The following CFAP65 variants were observed in gnomAD, a reference collection of about 807,000 sequenced individuals.
CFAP65 encodes the protein cilia and flagella associated protein 65.
A neutral mutation model predicts 208.0 loss-of-function variants in CFAP65; 155 were observed. That is an observed-to-expected ratio of 0.75 (90% confidence interval 0.65 to 0.85). The LOEUF (loss-of-function observed/expected upper bound fraction) is 0.85, where lower values mean the gene tolerates loss of function less well. Ranked by LOEUF, CFAP65 falls within the 40% of genes least tolerant of loss-of-function variation. CFAP65 has a pLI of 0.00. For synonymous variants in CFAP65, 970 were observed against 986.3 expected (o/e 0.98, Z 0.31); for missense variants, 2,294 against 2,451.3 (o/e 0.94, Z 1.36).
At chr2:219,024,908 C>T (rs558178624) in intron 14 of CFAP65, among the ~76,000 whole-genome samples, 12 of 152,306 alleles carry the variant, frequency 7.9e-5, no homozygotes, top group Non-Finnish European at 1.6e-4. Context: ...TGCACTCCAG[C>T]CTGGGTGACA....
intron 15 of CFAP65, 66 bp from the exon 16 acceptor site, chr2:219,023,497 TC>T: frequency 8.3e-7 from 1 of 1,208,368 alleles, no homozygotes. Context: ...CCACAACATG[TC>T]CAGGAAGCCA....
intron 4 of CFAP65, 74 bp downstream of exon 4, chr2:219,038,301 C>T (rs1164113434): frequency 1.4e-5 from 20 of 1,441,874 alleles, no homozygotes; most frequent in Non-Finnish European, 1.8e-5. Flanking sequence ...AGATTCCCAC[C>T]CCACTGCCCT....
intron 2 of CFAP65, 151 bp downstream of exon 2, chr2:219,040,368 A>T (rs967463950): frequency 2.1e-5 from 14 of 658,242 alleles, no homozygotes; most frequent in Middle Eastern, 2.6e-4. Context: ...AAAGCGGAAG[A>T]TTCTGTTGAC....
intron 4 of CFAP65, among the ~76,000 whole-genome samples, chr2:219,037,810 A>C (rs984176744): frequency 6.6e-6 from 1 of 152,170 alleles, no homozygotes; most frequent in Admixed American, 6.5e-5. Flanking sequence ...GGCACCATAC[A>C]CCATACAACA....
At position 219,014,025 on chromosome 2, in the gene CFAP65, C is replaced by T. The variant is rs1347978989; in HGVS notation, c.3622G>A (p.Asp1208Asn). ...CAGAGCTCCACGTCAATCCGCTGGT[C>T]ACTTGGAAGGAGGAAGGCCCTGGGA... ...SLDWAFLLPS[D>N]QRIDVELWAE... Residue 1208 changes from aspartate (D) to asparagine (N), a missense_variant, in exon 22 of 35, where the codon GAC (aspartate) becomes AAC (asparagine). Around this residue, in one of 2 missense-constraint regions of CFAP65, gnomAD observed 1,427 missense variants for 1,438.7 expected, o/e 0.99. Transcript: ENST00000341552. 1 of 1,611,994 alleles carries T rather than the reference C, an allele frequency of 6.2e-7. No individual in the cohort carries two copies. The highest frequency in any genetic ancestry group is 1.3e-5 in the African/African-American group (1 of 74,958).
At position 219,009,101 on chromosome 2, in the gene CFAP65, C is replaced by T. The variant is rs2106084531; in HGVS notation, c.4620G>A (p.Lys1540=). ...CCACTTCCTGCCGCACCTTCTCGTC[C>T]TTCCACTCCTGCAGCTCCTTGTGAT... ...RQYHKELQEW[K]DEKVRQEVEF... The change falls in exon 29 of 35, where the codon AAG becomes AAA. Residue 1540 remains lysine, a synonymous_variant. Coordinates refer to ENST00000341552, the MANE Select transcript of CFAP65 (RefSeq NM_194302.4). 1 of 1,612,956 alleles carries T rather than the reference C, an allele frequency of 6.2e-7. No homozygotes were observed. The highest frequency in any genetic ancestry group is 8.5e-7 in the Non-Finnish European group (1 of 1,179,968).
chr2:219,003,016 A>T lies in CFAP65; in HGVS notation c.5699T>A (p.Leu1900Gln). 6.4e-7 allele frequency: 1 copy of T among 1,556,842 alleles called. No homozygotes were observed. The highest frequency in any genetic ancestry group is 2.4e-5 in the East Asian group (1 of 42,172). The change falls in exon 35 of 35, where the codon CTG (leucine) becomes CAG (glutamine). Residue 1900 changes from leucine (L) to glutamine (Q), a missense_variant. Physicochemically the swap from Leu to Gln is moderately radical, Grantham distance 113. This residue lies in a region of CFAP65 where 1,427 missense variants were observed against 1,438.7 expected (regional missense o/e 0.99). Coordinates refer to ENST00000341552, the MANE Select transcript of CFAP65 (RefSeq NM_194302.4). The surrounding 1 kb of genome is among the most constrained non-coding windows in gnomAD (Gnocchi z 4.4). The part of the protein sequence containing the change: ...ALPPFCVPRS[L>Q]TPDTLLPTQQ... ...CGTCGGCAGCAGCGTGTCCGGGGTCAGACTCCTGGAAGACAAAAAGTCCCA... is the reference window on the plus strand; with the variant it reads ...CGTCGGCAGCAGCGTGTCCGGGGTCTGACTCCTGGAAGACAAAAAGTCCCA...
At chr2:219,028,863 A>T (rs1006556313) in intron 11 of CFAP65, among the ~76,000 whole-genome samples, 4 of 152,302 alleles carry the variant, frequency 2.6e-5, no homozygotes, top group South Asian at 2.1e-4. Context: ...TCCTCCAGGT[A>T]CACAGACACA....
At position 219,029,410 on chromosome 2, in the gene CFAP65, T is replaced by G; in HGVS notation, c.1643A>C (p.His548Pro). 1 of 1,612,038 alleles carries G rather than the reference T, an allele frequency of 6.2e-7. No homozygotes were observed. Among genetic ancestry groups the G allele is most frequent in the Admixed American group, 1.7e-5 (1 of 59,950 alleles). Reference sequence around the variant, plus strand: ...GCCCTCCCCACGACTCACCTGGTGGTGGATGAGACAGGCCACACGCCGAAA... The same window carrying G: ...GCCCTCCCCACGACTCACCTGGTGGGGGATGAGACAGGCCACACGCCGAAA... The part of the protein sequence containing the change: ...ICFRRVACLI[H>P]HQDPLFLDLM... The change falls in exon 11 of 35, where the codon CAC becomes CCC. Residue 548 changes from histidine to proline, a missense_variant. Physicochemically the swap from His to Pro is moderately conservative, Grantham distance 77 (BLOSUM62 -2). Around this residue, in one of 2 missense-constraint regions of CFAP65, gnomAD observed 867 missense variants for 1,012.6 expected, o/e 0.86. Coordinates refer to ENST00000341552, the MANE Select transcript of CFAP65 (RefSeq NM_194302.4).
rs146434958 is a variant in CFAP65 at position 219,024,171 on chromosome 2, G to A, written c.2439C>T (p.Ala813=). ...KDCKLLTFSL[A]PQRGSDVILR... ...GGATGACGTCTGAGCCTCTCTGGGG[G>A]GCCAGGCTGAAGGTCAGCAGCTTGC... is the stretch of plus-strand genomic sequence containing the variant. The change falls in exon 15 of 35, where the codon GCC becomes GCT. Residue 813 remains alanine, a synonymous_variant. Transcript: ENST00000341552. 457 of 1,614,024 alleles carry A rather than the reference G, an allele frequency of 2.8e-4. 1 individual carries two copies. In the African/African-American group the frequency reaches 5.6e-3, roughly 20 times the overall value.
Position 219,011,015 on chromosome 2 carries a change from G to C in CFAP65, c.3958-19C>G. On this transcript the variant is annotated intron_variant, in intron 24 of 34. Transcript: ENST00000341552. ...CATAAATCTGCAGGGGGCAGGAATAGGAAAATTGCCACATCAGCTCAGCAC... is the reference window on the plus strand; with the variant it reads ...CATAAATCTGCAGGGGGCAGGAATACGAAAATTGCCACATCAGCTCAGCAC... 6.3e-7 allele frequency: 1 copy of C among 1,586,176 alleles called. No individual in the cohort carries two copies. Among genetic ancestry groups the C allele is most frequent in the Non-Finnish European group, 8.6e-7 (1 of 1,160,458 alleles).
intron 5 of CFAP65, 54 bp downstream of exon 5, chr2:219,035,426 T>A (rs1165453003): frequency 6.2e-7 from 1 of 1,614,134 alleles, no homozygotes; most frequent in Non-Finnish European, 8.5e-7. Context: ...GAAGAGAGCC[T>A]GCTTTCGGGG....
At position 219,031,733 on chromosome 2, in the gene CFAP65, C is replaced by T; in HGVS notation, c.646-75G>A. On this transcript the variant is annotated intron_variant, in intron 6 of 34. Transcript: ENST00000341552. The surrounding 1 kb of genome is among the most constrained non-coding windows in gnomAD (Gnocchi z 5.2). ...GACTGCACATCCCGCCCACCCTCAG[C>T]CACCCCCAACACAACCGCTGAGGGG... is the stretch of plus-strand genomic sequence containing the variant. 1 of 1,523,938 alleles carries T rather than the reference C, an allele frequency of 6.6e-7. No individual in the cohort carries two copies. Among genetic ancestry groups the T allele is most frequent in the Non-Finnish European group, 8.8e-7 (1 of 1,129,978 alleles). 94.4% of individuals were successfully genotyped at this position (1,523,938 alleles called of 1,614,324 possible). A position where few individuals can be genotyped will look rare whatever the true frequency, so the allele number is the denominator to read the frequency against.
In CFAP65 at chr2:219,013,889, T is replaced by G. The variant is rs749754708; in HGVS notation, c.3758A>C (p.Gln1253Pro). The change falls in exon 22 of 35, where the codon CAG (glutamine) becomes CCG (proline). Residue 1253 changes from glutamine (Q) to proline (P), a missense_variant. Physicochemically the swap from Gln to Pro is moderately conservative, Grantham distance 76. This residue lies in a region of CFAP65 where 1,427 missense variants were observed against 1,438.7 expected (regional missense o/e 0.99). Coordinates refer to ENST00000341552, the MANE Select transcript of CFAP65 (RefSeq NM_194302.4). ...ACACCTGTATTTTAACTCCACCATC[T>G]GCTCCTGCCCAGGACTCAGGCTCCC... ...KAGSLSPGQE[Q>P]MVELKYSHLF... 1.2e-6 allele frequency: 2 copies of G among 1,606,796 alleles called. No individual in the cohort carries two copies. The highest frequency in any genetic ancestry group is 1.7e-6 in the Non-Finnish European group (2 of 1,176,436).
Position 219,021,767 on chromosome 2 carries a change from C to T in CFAP65, c.3130+13G>A. 1 of 1,612,898 alleles carries T rather than the reference C, an allele frequency of 6.2e-7. No homozygotes were observed. The highest frequency in any genetic ancestry group is 8.5e-7 in the Non-Finnish European group (1 of 1,179,726). On this transcript the variant is annotated intron_variant, in intron 18 of 34. Coordinates refer to ENST00000341552, the MANE Select transcript of CFAP65 (RefSeq NM_194302.4). The stretch of plus-strand genomic sequence containing the variant: ...ACCTCCCCTGGCCCCAGTCCCAGCT[C>T]AGGCCCAAGTACCGAGGGGGTGGTT...
intron 31 of CFAP65, 69 bp from the exon 32 acceptor site, chr2:219,005,631 G>A (rs1945914052): frequency 6.3e-7 from 1 of 1,578,342 alleles, no homozygotes; most frequent in Non-Finnish European, 8.7e-7. Context: ...CACAAGCAGT[G>A]GTGGTAGCTG....
intron 5 of CFAP65, chr2:219,035,151 T>C: frequency 5.4e-6 from 3 of 552,932 alleles, no homozygotes; most frequent in Non-Finnish European, 9.0e-6. Context: ...TGAGCCTTCA[T>C]AGTACCTGGT....
chr2:219,037,324 G>A (rs1171149556), intron 4 of CFAP65, among the ~76,000 whole-genome samples: 4 of 152,200 alleles, frequency 2.6e-5, no homozygotes, highest in African/African-American at 7.2e-5. Context: ...CCCCGGAGGC[G>A]GAGGTTGCAG....
At chr2:219,007,172 T>TTTTC (rs149392235) in intron 29 of CFAP65, among the ~76,000 whole-genome samples, 13,488 of 150,734 alleles carry the variant, frequency 0.089, 2,045 homozygotes, top group African/African-American at 0.31. Context: ...TTGTTTGTTT[T>TTTTC]TTTTTCTTTG....
Sources: allele counts gnomAD v4.1 joint callset (sites outside exome capture counted in the v4.1 genomes callset), GRCh38; gene constraint gnomAD v4.1.1; regional missense constraint gnomAD v4.1.1; non-coding constraint Gnocchi (gnomAD v3.1); transcripts MANE v1.5; gene names NCBI Gene and HGNC (gene_info 2026-07-23, HGNC 2026-07-21).